INTS15: variants seen among roughly 807,000 people sequenced by gnomAD.
The protein encoded by INTS15 is integrator complex subunit 15, also known as uncharacterized protein C7orf26.
At chr7:6,599,453 C>T in the INTS15 span, among the ~76,000 whole-genome samples, 15 of 152,106 alleles carry the variant, frequency 9.9e-5, no homozygotes, top group Admixed American at 3.9e-4. Flanking sequence ...CGGGAGGACA[C>T]GTACTCAGGG....
the INTS15 span, chr7:6,599,924 A>G: frequency 6.2e-7 from 1 of 1,614,180 alleles, no homozygotes; most frequent in South Asian, 1.1e-5. Context: ...AAATACTCCG[A>G]TTGCGGCCAA....
the INTS15 span, chr7:6,608,413 C>T: frequency 6.5e-6 from 9 of 1,375,694 alleles, no homozygotes; most frequent in Non-Finnish European, 7.5e-6. Flanking sequence ...AGATGCCGAT[C>T]CTGGGAGCCT....
the INTS15 span, among the ~76,000 whole-genome samples, chr7:6,597,486 G>C: frequency 6.6e-6 from 1 of 152,068 alleles, no homozygotes; most frequent in African/African-American, 2.4e-5. Flanking sequence ...GTGGAGTCAG[G>C]GTTTCACCCT....
At chr7:6,608,076 A>AACCCCCCC in the INTS15 span, 2 of 1,143,476 alleles carry the variant, frequency 1.7e-6, no homozygotes, top group Non-Finnish European at 2.4e-6. Flanking sequence ...GTCCCGGCCC[A>AACCCCCCC]CCCCGCCGCC....
the INTS15 span, among the ~76,000 whole-genome samples, chr7:6,603,012 A>G: frequency 2.6e-5 from 4 of 150,950 alleles, no homozygotes; most frequent in Admixed American, 2.6e-4. Context: ...CACTTTGGGA[A>G]GCTGAGGCAG....
At chr7:6,592,300 T>A in the INTS15 span, among the ~76,000 whole-genome samples, 3 of 152,200 alleles carry the variant, frequency 2.0e-5, no homozygotes, top group African/African-American at 7.2e-5. Context: ...GCTTAGTGGT[T>A]CACTCCTGTA....
chr7:6,602,939 GA>G, the INTS15 span, among the ~76,000 whole-genome samples: 4 of 152,226 alleles, frequency 2.6e-5, no homozygotes, highest in Non-Finnish European at 4.4e-5. Flanking sequence ...AGATTTTTGT[GA>G]GGATTAAATG....
chr7:6,590,183 A>C, the INTS15 span: 3 of 1,096,856 alleles, frequency 2.7e-6, no homozygotes, highest in Non-Finnish European at 3.6e-6. Flanking sequence ...GCCGCAGCCC[A>C]GGCCCGGGTC....
At chr7:6,590,723 C>A in the INTS15 span, among the ~76,000 whole-genome samples, 1 of 152,314 alleles carries the variant, frequency 6.6e-6, no homozygotes, top group Non-Finnish European at 1.5e-5. Context: ...TGGCGACTGC[C>A]CGCTCCCTAG....
At chr7:6,607,665 G>T in the INTS15 span, 1 of 1,508,082 alleles carries the variant, frequency 6.6e-7, no homozygotes, top group Non-Finnish European at 8.9e-7. This position sits in a 1 kb window ranked among gnomAD's most constrained non-coding sequence, Gnocchi z 6.0. Context: ...CAGCGCAGCA[G>T]AGAGCCGCAG....
chr7:6,607,473 A>G, the INTS15 span: 2 of 1,239,786 alleles, frequency 1.6e-6, no homozygotes, highest in East Asian at 1.1e-4. The surrounding 1 kb of genome is among the most constrained non-coding windows in gnomAD (Gnocchi z 6.0). Context: ...GGAGGTCTGT[A>G]ACGGCTGGGT....
At chr7:6,602,016 C>T in the INTS15 span, 5 of 1,247,480 alleles carry the variant, frequency 4.0e-6, no homozygotes, top group Non-Finnish European at 5.8e-6. Flanking sequence ...TGCTGTCTTG[C>T]TAGCATCCTT....
At chr7:6,606,140 G>A in the INTS15 span, among the ~76,000 whole-genome samples, 1 of 152,198 alleles carries the variant, frequency 6.6e-6, no homozygotes. Context: ...GCAGTACTCT[G>A]CAGTACCTCC....
chr7:6,592,220 C>T, the INTS15 span, among the ~76,000 whole-genome samples: 24 of 151,042 alleles, frequency 1.6e-4, no homozygotes, highest in African/African-American at 4.1e-4. Flanking sequence ...TTTTGCTGTT[C>T]GGAATTCTCA....
the INTS15 span, among the ~76,000 whole-genome samples, chr7:6,596,813 C>T: frequency 6.6e-6 from 1 of 152,146 alleles, no homozygotes; most frequent in South Asian, 2.1e-4. Context: ...GACAGAGTCT[C>T]GCTCTGTCGC....
the INTS15 span, chr7:6,594,688 G>C: frequency 7.9e-7 from 1 of 1,269,862 alleles, no homozygotes; most frequent in Non-Finnish European, 1.1e-6. Context: ...GAAGTGTCCA[G>C]TGAATGCTTT....
the INTS15 span, among the ~76,000 whole-genome samples, chr7:6,591,268 C>CT: frequency 1.9e-3 from 249 of 131,770 alleles, no homozygotes; most frequent in East Asian, 3.2e-3. Context: ...TCCTGTTTTT[C>CT]TTTTTTTTTT....
chr7:6,590,540 A>G, the INTS15 span: 1 of 1,455,144 alleles, frequency 6.9e-7, no homozygotes, highest in Non-Finnish European at 9.1e-7. Flanking sequence ...TTCCCCAGCG[A>G]TGCAGGGCTG....
At chr7:6,591,588 A>G in the INTS15 span, 1 of 1,456,932 alleles carries the variant, frequency 6.9e-7, no homozygotes, top group Non-Finnish European at 9.6e-7. Flanking sequence ...TTAATGTATG[A>G]GTTAATAAGT....
Sources: gnomAD v4.1 joint callset for allele counts (sites outside exome capture counted in the v4.1 genomes callset) on GRCh38, gnomAD v4.1.1 for gene constraint, Gnocchi (gnomAD v3.1) non-coding constraint, MANE v1.5 for transcripts, NCBI Gene and HGNC (gene_info 2026-07-23, HGNC 2026-07-21) for gene names.